Variants in TNRC6C observed in about 807,000 individuals in gnomAD.
TNRC6C encodes trinucleotide repeat containing adaptor 6C, also known as trinucleotide repeat-containing gene 6C protein.
Under a neutral mutation model 153.7 loss-of-function variants are expected in TNRC6C, and 20 were observed. The observed-to-expected ratio is 0.13, with a 90% confidence interval of 0.09 to 0.19. The LOEUF is 0.19. Ranked by LOEUF, TNRC6C falls within the 10% of genes least tolerant of loss-of-function variation. The pLI, the probability that TNRC6C is intolerant of heterozygous loss-of-function variation, is 1.00. For missense variants in TNRC6C, 1,987 were observed against 2,172.0 expected, an observed-to-expected ratio of 0.91 and a Z score of 1.69; for synonymous variants, 811 against 841.4, an observed-to-expected ratio of 0.96 and a Z score of 0.63.
At chr17:77,963,773 GTCTC>G (rs1242394309) in intron 1 of TNRC6C, among the ~76,000 whole-genome samples, 1 of 152,216 alleles carries the variant, frequency 6.6e-6, no homozygotes, top group Admixed American at 6.5e-5. Context: ...TATTCTCTGT[GTCTC>G]TCTGAGTTCC....
At chr17:77,965,838 C>T (rs767064151) in intron 1 of TNRC6C, among the ~76,000 whole-genome samples, 16 of 152,342 alleles carry the variant, frequency 1.1e-4, no homozygotes, top group Non-Finnish European at 2.2e-4. Context: ...CTGAGAACTC[C>T]AGCAGTGAAA....
At position 78,067,030 on chromosome 17, in the gene TNRC6C, AT is replaced by A. The variant is rs368906302; in HGVS notation, c.2612-724del. 9.8e-5 allele frequency: 15 copies of A among 152,312 alleles called. 1 individual carries two copies. Among genetic ancestry groups the A allele is most frequent in the African/African-American group, 2.6e-4 (11 of 41,564 alleles). The allele number at this position is 152,312 out of a possible 1,614,324, so 9.4% of individuals were successfully genotyped here. ...GTTCCTATGCAAGGATGAGATACAG[AT>A]TTATGAAGCATCCCATATACAAATT... On this transcript the variant is annotated intron_variant, in intron 4 of 19. Coordinates refer to ENST00000301624, the Ensembl canonical transcript of TNRC6C.
In TNRC6C at chr17:77,985,410, G is replaced by A. The variant is rs1567901392; in HGVS notation, c.-37-18760G>A. ...GAGATCGAGACCATCTGCCTAACAC[G>A]GTGAAACCCCGTCTCTACTAAAAAT... On this transcript the variant is annotated intron_variant, in intron 1 of 22. Coordinates refer to the TNRC6C transcript ENST00000636222. Among the ~76,000 whole-genome samples the A allele has an allele frequency of 3.3e-5, 5 of 151,628 alleles. No individual in the cohort carries two copies. The South Asian group carries it at 1.0e-3, about 32-fold the overall frequency.
chr17:78,086,566 A>C (rs1479013937), exon 12 of TNRC6C: 1 of 1,614,028 alleles, frequency 6.2e-7, no homozygotes, highest in Admixed American at 1.7e-5. Context: ...GTCCGGATCC[A>C]TGAGACAACA....
chr17:78,045,051 G>T (rs13342749), intron 2 of TNRC6C, among the ~76,000 whole-genome samples: 4,019 of 152,218 alleles, frequency 0.026, 187 homozygotes, highest in African/African-American at 0.091. Context: ...GAGAAAGAAT[G>T]ATATGAATGG....
chr17:78,104,530 A>G lies in TNRC6C; in HGVS notation c.4758A>G (p.Glu1586=), dbSNP rs908175267. The G allele has an allele frequency of 2.6e-6, 4 of 1,536,134 alleles. No homozygotes were observed. Among genetic ancestry groups the G allele is most frequent in the Middle Eastern group, 1.7e-4 (1 of 5,824 alleles). The change falls in exon 20 of 20, where the codon GAA becomes GAG. Residue 1586 remains glutamate (E), a synonymous_variant. Transcript: ENST00000301624. The surrounding 1 kb of genome is among the most constrained non-coding windows in gnomAD (Gnocchi z 6.2). ...CCATCCTGGCCGAGTTCGCTGGTGA[A>G]GAAGAAGTGAATCGCTTCTTAGCCC...
chr17:77,980,112 G>C (rs1288308409), intron 1 of TNRC6C, among the ~76,000 whole-genome samples: 1 of 152,222 alleles, frequency 6.6e-6, no homozygotes, highest in Non-Finnish European at 1.5e-5. Flanking sequence ...GAAGCATGGA[G>C]ATGCAGGAAG....
At chr17:77,994,925 G>T (rs2071305219) in intron 1 of TNRC6C, among the ~76,000 whole-genome samples, 1 of 152,142 alleles carries the variant, frequency 6.6e-6, no homozygotes, top group South Asian at 2.1e-4. Context: ...TTGATTGATT[G>T]GTGTGACAGT....
intron 1 of TNRC6C, among the ~76,000 whole-genome samples, chr17:77,980,497 C>T (rs1347488456): frequency 1.3e-5 from 2 of 152,204 alleles, no homozygotes; most frequent in Non-Finnish European, 1.5e-5. Context: ...ACACAGAAGA[C>T]TTCTGTGAGC....
chr17:77,977,266 A>C (rs972969457), intron 1 of TNRC6C, among the ~76,000 whole-genome samples: 4 of 152,174 alleles, frequency 2.6e-5, no homozygotes, highest in African/African-American at 9.6e-5. Flanking sequence ...AATTGAATAA[A>C]TCTTCATATG....
intron 1 of TNRC6C, among the ~76,000 whole-genome samples, chr17:77,969,545 C>T (rs908171040): frequency 6.6e-5 from 10 of 152,118 alleles, no homozygotes; most frequent in Admixed American, 3.9e-4. Flanking sequence ...TCACCACGCC[C>T]GGCAATTTCC....
intron 1 of TNRC6C, among the ~76,000 whole-genome samples, chr17:78,020,172 G>A (rs980473444): frequency 6.6e-6 from 1 of 152,164 alleles, no homozygotes; most frequent in Non-Finnish European, 1.5e-5. Flanking sequence ...GCTTTGCTGA[G>A]TGAGGCTTCT....
chr17:77,960,594 T>C (rs2070853906), intron 1 of TNRC6C, among the ~76,000 whole-genome samples: 2 of 152,164 alleles, frequency 1.3e-5, no homozygotes, highest in Non-Finnish European at 2.9e-5. Flanking sequence ...GTGTTGGCAA[T>C]GATATTCATA....
chr17:77,985,098 C>T (rs1343604324), intron 1 of TNRC6C, among the ~76,000 whole-genome samples: 1 of 152,106 alleles, frequency 6.6e-6, no homozygotes, highest in Non-Finnish European at 1.5e-5. Context: ...TTAAATAAGA[C>T]AGGTGTATTC....
At chr17:78,093,645 A>G (rs1042251176) in exon 16 of TNRC6C, 2 of 1,613,862 alleles carry the variant, frequency 1.2e-6, no homozygotes, top group African/African-American at 2.7e-5. Flanking sequence ...TTCCATGGAA[A>G]GGACTGCAGA....
chr17:78,031,620 T>A (rs2072076221), exon 2 of TNRC6C: 2 of 1,232,360 alleles, frequency 1.6e-6, no homozygotes, highest in Admixed American at 4.2e-5. Context: ...CAAACGTGCA[T>A]CTGCCAGTGG....
intron 16 of TNRC6C, among the ~76,000 whole-genome samples, chr17:78,095,484 C>T (rs2073468871): frequency 6.6e-6 from 1 of 152,256 alleles, no homozygotes; most frequent in Non-Finnish European, 1.5e-5. Flanking sequence ...TGACTTGTAG[C>T]TCCAAGTGAA....
At chr17:77,964,698 C>CA (rs759394347) in intron 1 of TNRC6C, among the ~76,000 whole-genome samples, 17 of 152,200 alleles carry the variant, frequency 1.1e-4, no homozygotes, top group Non-Finnish European at 2.2e-4. Flanking sequence ...GCACAGGTGT[C>CA]ACCTTTCCAA....
chr17:78,013,862 G>A (rs1043333296), intron 1 of TNRC6C, among the ~76,000 whole-genome samples: 4 of 152,180 alleles, frequency 2.6e-5, no homozygotes, highest in Non-Finnish European at 5.9e-5. Flanking sequence ...CAGGGTATGA[G>A]GTGAGGCCAA....
Sources: allele counts gnomAD v4.1 joint callset (sites outside exome capture counted in the v4.1 genomes callset), GRCh38; gene constraint gnomAD v4.1.1; non-coding constraint Gnocchi (gnomAD v3.1); transcripts MANE v1.5; gene names NCBI Gene and HGNC (gene_info 2026-07-23, HGNC 2026-07-21).